The following SYT2 variants were observed in gnomAD, a reference collection of about 807,000 sequenced individuals.
SYT2 encodes synaptotagmin 2.
SYT2 carries 15 observed loss-of-function variants against 39.9 expected under a neutral mutation model. The observed-to-expected ratio is 0.38, with a 90% CI of 0.25 to 0.58. The LOEUF (loss-of-function observed/expected upper bound fraction) is 0.58. Ranked by LOEUF, SYT2 falls within the 20% of genes least tolerant of loss-of-function variation. The probability of loss-of-function intolerance (pLI) is 0.70; values close to 1 mark genes in which losing one functional copy is unlikely to be tolerated. For missense variants in SYT2, 389 were observed against 530.3 expected (o/e 0.73, Z 2.62); for synonymous variants, 181 against 204.5 (o/e 0.89, Z 0.98).
At chr1:202,619,888 A>G (rs903112373) in intron 1 of SYT2, among the ~76,000 whole-genome samples, 2 of 152,336 alleles carry the variant, frequency 1.3e-5, no homozygotes, top group Non-Finnish European at 2.9e-5. Flanking sequence ...CCACCTGGGA[A>G]GAGGGCACAA....
intron 1 of SYT2, among the ~76,000 whole-genome samples, chr1:202,649,611 C>T (rs1318878139): frequency 6.6e-6 from 1 of 152,182 alleles, no homozygotes; most frequent in African/African-American, 2.4e-5. Flanking sequence ...ACCTCATCAT[C>T]GCCTCCTGAG....
At position 202,596,082 on chromosome 1, in the gene SYT2, G is replaced by C. The variant is rs143967467; in HGVS notation, c.*675C>G. On this transcript the variant is annotated 3_prime_UTR_variant, in exon 9 of 9. Transcript: ENST00000367268. The stretch of plus-strand genomic sequence containing the variant: ...TATGAAAGCCCCGATATCTGAACAG[G>C]ATCCTGAGACTTTGCCATAGATGAG... The C allele has an allele frequency of 2.0e-5, 3 of 152,074 alleles. No individual in the cohort carries two copies. Among genetic ancestry groups the C allele is most frequent in the Non-Finnish European group, 2.9e-5 (2 of 68,032 alleles). The allele number at this position is 152,074 out of a possible 1,614,324, so 9.4% of individuals were successfully genotyped here.
chr1:202,600,558 G>T, intron 6 of SYT2, 84 bp from the exon 7 acceptor site: 1 of 1,263,158 alleles, frequency 7.9e-7, no homozygotes, highest in Non-Finnish European at 1.1e-6. Flanking sequence ...GCCAAAATTA[G>T]CAAGGCAGTG....
intron 1 of SYT2, among the ~76,000 whole-genome samples, chr1:202,622,096 C>T (rs540795069): frequency 2.0e-5 from 3 of 152,256 alleles, no homozygotes; most frequent in Non-Finnish European, 4.4e-5. Flanking sequence ...TAATCTTTCC[C>T]GGCATTGTAT....
intron 1 of SYT2, among the ~76,000 whole-genome samples, chr1:202,684,698 G>A (rs777310490): frequency 5.3e-5 from 8 of 152,104 alleles, no homozygotes; most frequent in Non-Finnish European, 8.8e-5. Context: ...CCCCTCACCC[G>A]TGATGTATTT....
At chr1:202,619,271 C>G (rs1691138620) in intron 1 of SYT2, among the ~76,000 whole-genome samples, 1 of 152,168 alleles carries the variant, frequency 6.6e-6, no homozygotes, top group African/African-American at 2.4e-5. Flanking sequence ...CCAGGGCTCC[C>G]AGGACAGAGT....
At chr1:202,600,881 C>T (rs1404613058) in intron 6 of SYT2, among the ~76,000 whole-genome samples, 2 of 152,204 alleles carry the variant, frequency 1.3e-5, no homozygotes, top group African/African-American at 2.4e-5. Flanking sequence ...CACGTGTCCA[C>T]CACCAAGGGC....
intron 1 of SYT2, among the ~76,000 whole-genome samples, chr1:202,622,741 A>G (rs1302526410): frequency 7.9e-5 from 12 of 152,134 alleles, no homozygotes; most frequent in Non-Finnish European, 1.6e-4. Context: ...TTCCTGAGTG[A>G]GGCTCTGTAA....
chr1:202,636,031 C>T lies in SYT2; in HGVS notation c.-17-30242G>A, dbSNP rs180699600. Among the ~76,000 whole-genome samples the T allele has an allele frequency of 4.3e-3, 657 of 152,266 alleles. 9 individuals are homozygous for T. Among genetic ancestry groups the T allele is most frequent in the Non-Finnish European group, 6.7e-3 (458 of 68,018 alleles). On this transcript the variant is annotated intron_variant, in intron 1 of 8. Coordinates refer to ENST00000367268, the MANE Select transcript of SYT2 (RefSeq NM_177402.5). Reference sequence around the variant, plus strand: ...GGCTGCAAGTGGTAGGGGGAAGGAGCTCCCAGTTTTGACAACCCAGGGAAG... The same window carrying T: ...GGCTGCAAGTGGTAGGGGGAAGGAGTTCCCAGTTTTGACAACCCAGGGAAG...
chr1:202,648,141 G>A (rs1018029542), intron 1 of SYT2, among the ~76,000 whole-genome samples: 2 of 152,166 alleles, frequency 1.3e-5, no homozygotes, highest in African/African-American at 2.4e-5. Flanking sequence ...AACTTAGAAC[G>A]TCATCTGGAC....
At chr1:202,676,722 T>C (rs980031012) in intron 1 of SYT2, among the ~76,000 whole-genome samples, 13 of 152,182 alleles carry the variant, frequency 8.5e-5, no homozygotes, top group African/African-American at 3.1e-4. Flanking sequence ...CCATGACAGG[T>C]ATAAAAAAGT....
At chr1:202,621,095 T>G (rs1159176099) in intron 1 of SYT2, among the ~76,000 whole-genome samples, 6 of 152,150 alleles carry the variant, frequency 3.9e-5, no homozygotes, top group Non-Finnish European at 8.8e-5. Context: ...TTGATGACAT[T>G]AGTTGTAGTT....
chr1:202,620,585 G>A (rs924420725), intron 1 of SYT2, among the ~76,000 whole-genome samples: 3 of 152,088 alleles, frequency 2.0e-5, no homozygotes, highest in South Asian at 2.1e-4. Context: ...GAGTGCAGGG[G>A]GAAGGGGCCA....
At chr1:202,656,805 A>C (rs1429203985) in intron 1 of SYT2, among the ~76,000 whole-genome samples, 1 of 152,206 alleles carries the variant, frequency 6.6e-6, no homozygotes, top group African/African-American at 2.4e-5. Context: ...GCAACAGGCA[A>C]CCCACCACAT....
At position 202,596,340 on chromosome 1, in the gene SYT2, C is replaced by T. The variant is rs996798764; in HGVS notation, c.*417G>A. On this transcript the variant is annotated 3_prime_UTR_variant, in exon 9 of 9. Transcript: ENST00000367268. ...ACACACACACACACACACACACGAT[C>T]ATTGGCCACTGTGATGCCTTCCCTG... 3 of 189,686 alleles carry T rather than the reference C, an allele frequency of 1.6e-5. No homozygotes were observed. The Admixed American group carries it at 1.7e-4, about 11-fold the overall frequency. 11.8% of individuals were successfully genotyped at this position (189,686 alleles called of 1,614,324 possible). A position where few individuals can be genotyped will look rare whatever the true frequency, so the allele number is the denominator to read the frequency against.
intron 1 of SYT2, among the ~76,000 whole-genome samples, chr1:202,641,671 T>C (rs1691920272): frequency 1.3e-5 from 2 of 152,242 alleles, no homozygotes; most frequent in African/African-American, 2.4e-5. Flanking sequence ...TAGGCTATTG[T>C]AGTGGAGATC....
At chr1:202,709,993 T>C (rs1654355686) in intron 1 of SYT2, among the ~76,000 whole-genome samples, 1 of 150,578 alleles carries the variant, frequency 6.6e-6, no homozygotes, top group Admixed American at 6.6e-5. Flanking sequence ...CGGGAGGAAA[T>C]CTGCCCCCAG....
chr1:202,609,120 A>G (rs1690804906), intron 1 of SYT2, among the ~76,000 whole-genome samples: 2 of 145,808 alleles, frequency 1.4e-5, no homozygotes, highest in Admixed American at 1.4e-4. Context: ...GAGTGAGAAC[A>G]TGCGGTGTTT....
intron 1 of SYT2, chr1:202,639,436 CCCT>C (rs2149095715): frequency 1.1e-6 from 1 of 941,132 alleles, no homozygotes; most frequent in African/African-American, 1.8e-5. Flanking sequence ...TTGGAGCTCC[CCCT>C]AAGCCTCAGT....
Sources: gnomAD v4.1 joint callset for allele counts (sites outside exome capture counted in the v4.1 genomes callset) on GRCh38, gnomAD v4.1.1 for gene constraint, MANE v1.5 for transcripts, NCBI Gene and HGNC (gene_info 2026-07-23, HGNC 2026-07-21) for gene names.